Variants in ULK4 observed in about 807,000 individuals in gnomAD.
ULK4 encodes the protein inactive serine/threonine-protein kinase ULK4.
ULK4 carries 133 observed loss-of-function variants against 160.6 expected under a neutral mutation model. The observed-to-expected ratio is 0.83, with a 90% confidence interval of 0.72 to 0.96. ULK4 has a LOEUF of 0.96. ULK4 is among the 40% of genes least tolerant of loss of function. The pLI is 0.00. For missense variants in ULK4, 1,580 were observed against 1,499.5 expected (o/e 1.05, Z -0.89); for synonymous variants, 534 against 539.8 (o/e 0.99, Z 0.15).
intron 21 of ULK4, among the ~76,000 whole-genome samples, chr3:41,768,037 G>A (rs552878686): frequency 1.3e-5 from 2 of 152,286 alleles, no homozygotes; most frequent in East Asian, 1.9e-4. Flanking sequence ...TGTCAGATCA[G>A]TGGAGCCAAC....
At chr3:41,426,116 C>A (rs752647961) in intron 34 of ULK4, among the ~76,000 whole-genome samples, 34 of 152,102 alleles carry the variant, frequency 2.2e-4, no homozygotes, top group African/African-American at 3.4e-4. Flanking sequence ...CAGAAAAAAT[C>A]AGGGGTTGCA....
At chr3:41,696,241 C>A (rs138926351) in intron 27 of ULK4, among the ~76,000 whole-genome samples, 24 of 152,224 alleles carry the variant, frequency 1.6e-4, no homozygotes, top group African/African-American at 5.5e-4. Flanking sequence ...TCAGTGGTCA[C>A]GCTCCTAGTC....
chr3:41,903,722 T>C (rs1698451956), intron 12 of ULK4, among the ~76,000 whole-genome samples: 1 of 151,816 alleles, frequency 6.6e-6, no homozygotes, highest in African/African-American at 2.4e-5. Context: ...ACAGCAAAAA[T>C]ATATAAAATA....
At chr3:41,568,951 G>A (rs1253795545) in intron 31 of ULK4, among the ~76,000 whole-genome samples, 1 of 152,114 alleles carries the variant, frequency 6.6e-6, no homozygotes. Flanking sequence ...CTGCCTCTTT[G>A]GCTTCAATTA....
At chr3:41,494,255 G>A (rs2084904675) in intron 32 of ULK4, among the ~76,000 whole-genome samples, 1 of 110,488 alleles carries the variant, frequency 9.1e-6, no homozygotes, top group South Asian at 3.2e-4. Flanking sequence ...TTCATCCCTG[G>A]GATGCAAGGC....
intron 32 of ULK4, among the ~76,000 whole-genome samples, chr3:41,548,390 T>C (rs2086939386): frequency 6.6e-6 from 1 of 151,802 alleles, no homozygotes; most frequent in Non-Finnish European, 1.5e-5. Context: ...CCACTCCACC[T>C]ATCACCCTGA....
chr3:41,412,243 C>T (rs148121431), intron 34 of ULK4, among the ~76,000 whole-genome samples: 4 of 152,154 alleles, frequency 2.6e-5, no homozygotes, highest in African/African-American at 9.6e-5. Context: ...GGATGAAGGA[C>T]ATGTGCATGA....
chr3:41,510,677 G>A (rs2085539557), intron 32 of ULK4, among the ~76,000 whole-genome samples: 1 of 152,110 alleles, frequency 6.6e-6, no homozygotes, highest in Non-Finnish European at 1.5e-5. Flanking sequence ...ACACCAAAAG[G>A]AACCCTCAAA....
chr3:41,915,155 T>C (rs72866315), intron 8 of ULK4, among the ~76,000 whole-genome samples: 136 of 152,294 alleles, frequency 8.9e-4, no homozygotes, highest in African/African-American at 3.1e-3. Context: ...TATAGTTACA[T>C]CCTATCAAAA....
chr3:41,378,663 A>G (rs988958179), intron 35 of ULK4, among the ~76,000 whole-genome samples: 2 of 151,726 alleles, frequency 1.3e-5, no homozygotes, highest in East Asian at 2.0e-4. Flanking sequence ...GATAGCAGTA[A>G]AAGATATACC....
chr3:41,690,722 G>A (rs2036268925), intron 27 of ULK4, among the ~76,000 whole-genome samples: 1 of 151,920 alleles, frequency 6.6e-6, no homozygotes, highest in Non-Finnish European at 1.5e-5. Flanking sequence ...AAAAGAAAGA[G>A]AAGCTCAATA....
chr3:41,574,488 T>C (rs1465640921), intron 31 of ULK4, among the ~76,000 whole-genome samples: 1 of 150,600 alleles, frequency 6.6e-6, no homozygotes, highest in African/African-American at 2.4e-5. Flanking sequence ...CTAATGGGTG[T>C]CTCTACTTCC....
intron 35 of ULK4, among the ~76,000 whole-genome samples, chr3:41,373,428 C>A (rs1006669366): frequency 6.6e-6 from 1 of 152,104 alleles, no homozygotes; most frequent in African/African-American, 2.4e-5. Context: ...GAAATGGTGA[C>A]AAACAGTCTT....
intron 31 of ULK4, among the ~76,000 whole-genome samples, chr3:41,570,801 A>C (rs79730177): frequency 6.6e-6 from 1 of 152,182 alleles, no homozygotes. Flanking sequence ...ACACAGAATC[A>C]GATCCCAGCC....
chr3:41,296,127 G>C (rs1267360838), intron 35 of ULK4, among the ~76,000 whole-genome samples: 19 of 152,230 alleles, frequency 1.2e-4, no homozygotes, highest in Admixed American at 1.2e-3. Flanking sequence ...TTTGTAATTT[G>C]TCAGTGCAGG....
At chr3:41,478,844 A>G (rs181169973) in intron 32 of ULK4, among the ~76,000 whole-genome samples, 1 of 152,370 alleles carries the variant, frequency 6.6e-6, no homozygotes, top group East Asian at 1.9e-4. Context: ...AACTTAAGAT[A>G]CAATGTTACT....
chr3:41,653,529 G>A (rs950669719), intron 30 of ULK4, among the ~76,000 whole-genome samples: 1 of 152,066 alleles, frequency 6.6e-6, no homozygotes, highest in Admixed American at 6.6e-5. Flanking sequence ...CATTTTAAAC[G>A]ACCCAGATGA....
At position 41,246,868 on chromosome 3, in the gene ULK4, CCTTG is replaced by C; in HGVS notation, c.*57_*60del. ...TGTGGCAAAGGTGTCTGGGAGCTGA[CCTTG>C]CTTATGCATCCGAGGGCTGGGGCCA... On this transcript the variant is annotated 3_prime_UTR_variant, in exon 37 of 37. Transcript: ENST00000301831. The C allele has an allele frequency of 6.3e-7, 1 of 1,583,746 alleles. No homozygotes were observed. The highest frequency in any genetic ancestry group is 8.6e-7 in the Non-Finnish European group (1 of 1,160,244).
intron 7 of ULK4, 121 bp downstream of exon 7, chr3:41,918,336 G>T: frequency 1.7e-6 from 1 of 582,484 alleles, no homozygotes; most frequent in Middle Eastern, 4.9e-4. Flanking sequence ...TATCAACTTG[G>T]GATCATTTAT....
Sources: gnomAD v4.1 joint callset for allele counts (sites outside exome capture counted in the v4.1 genomes callset) on GRCh38, gnomAD v4.1.1 for gene constraint, MANE v1.5 for transcripts, NCBI Gene and HGNC (gene_info 2026-07-23, HGNC 2026-07-21) for gene names.